The following ERAP1 variants were observed in gnomAD, a reference collection of about 807,000 sequenced individuals.
ERAP1 encodes endoplasmic reticulum aminopeptidase 1.
In ERAP1, 86 loss-of-function variants were observed where a neutral mutation model predicts 103.7. The observed-to-expected ratio is 0.83, with a 90% CI of 0.70 to 0.99. The LOEUF is 0.99. Among genes scored for constraint, ERAP1 ranks in the 50% least tolerant of loss-of-function variants. The pLI, the probability that ERAP1 is intolerant of heterozygous loss-of-function variation, is 0.00. For missense variants in ERAP1, 1,009 were observed against 1,128.4 expected, an observed-to-expected ratio of 0.89 and a Z score of 1.52; for synonymous variants, 398 against 402.4, an observed-to-expected ratio of 0.99 and a Z score of 0.13.
At chr5:96,911,866 C>CAAAA in the ERAP1 span, among the ~76,000 whole-genome samples, 22 of 56,652 alleles carry the variant, frequency 3.9e-4, 1 homozygote, top group East Asian at 0.01. Flanking sequence ...GACCCTGTCT[C>CAAAA]AAAAAAAAAA....
chr5:96,879,930 T>A, the ERAP1 span: 2 of 1,614,174 alleles, frequency 1.2e-6, no homozygotes, highest in Non-Finnish European at 1.7e-6. Flanking sequence ...GACCTCTTTG[T>A]CCACCCCAAT....
At chr5:96,885,661 A>G in the ERAP1 span, among the ~76,000 whole-genome samples, 1 of 152,242 alleles carries the variant, frequency 6.6e-6, no homozygotes, top group Non-Finnish European at 1.5e-5. Context: ...TGCAGTCAGC[A>G]TCATCACAAG....
chr5:96,792,003 C>T lies in ERAP1; in HGVS notation c.1320+58G>A. On this transcript the variant is annotated intron_variant, in intron 8 of 18. Coordinates refer to ENST00000443439, the MANE Select transcript of ERAP1 (RefSeq NM_001040458.3). ...CACAACCTTGCCTATAACTTCTCCA[C>T]CCCAGTATGTATAACTTTAGTATCT... 4 of 1,595,066 alleles carry T rather than the reference C, an allele frequency of 2.5e-6. No homozygotes were observed. The South Asian group carries it at 3.3e-5, about 13-fold the overall frequency.
At chr5:96,794,963 A>G (rs1353535434) in intron 5 of ERAP1, 79 bp downstream of exon 5, 7 of 1,546,168 alleles carry the variant, frequency 4.5e-6, no homozygotes, top group Admixed American at 1.9e-5. Flanking sequence ...AGGCAACTAC[A>G]GGGATGTGCC....
At chr5:96,902,421 G>A in the ERAP1 span, 2 of 943,870 alleles carry the variant, frequency 2.1e-6, no homozygotes, top group African/African-American at 3.2e-5. Context: ...CTATTTGAAG[G>A]AACGATACAA....
chr5:96,766,942 T>G (rs1392204988), intron 19 of ERAP1, among the ~76,000 whole-genome samples: 1 of 152,178 alleles, frequency 6.6e-6, no homozygotes, highest in Non-Finnish European at 1.5e-5. Context: ...GCATTCAGTA[T>G]TCCTCAAGAT....
chr5:96,903,809 TA>T, the ERAP1 span, among the ~76,000 whole-genome samples: 1 of 152,148 alleles, frequency 6.6e-6, no homozygotes, highest in African/African-American at 2.4e-5. Context: ...TGGAATCTCT[TA>T]AAAATGATAT....
the ERAP1 span, among the ~76,000 whole-genome samples, chr5:96,929,860 T>C: frequency 6.6e-6 from 1 of 152,196 alleles, no homozygotes; most frequent in Non-Finnish European, 1.5e-5. Context: ...TTTACTTTCC[T>C]ATATAAGTGC....
the ERAP1 span, chr5:96,917,914 A>G: frequency 6.3e-6 from 1 of 159,836 alleles, no homozygotes; most frequent in South Asian, 1.9e-4. Context: ...TCAAAAAAAA[A>G]AAAAAAAAAA....
chr5:96,820,996 A>G, the ERAP1 span, among the ~76,000 whole-genome samples: 1 of 152,186 alleles, frequency 6.6e-6, no homozygotes, highest in Non-Finnish European at 1.5e-5. Flanking sequence ...AGAAGAAGAG[A>G]GATTGATTCT....
the ERAP1 span, among the ~76,000 whole-genome samples, chr5:96,923,019 A>T: frequency 5.1e-4 from 77 of 151,942 alleles, no homozygotes; most frequent in African/African-American, 1.8e-3. Context: ...TGCTCTGTTG[A>T]CCAAGCTGGA....
chr5:96,876,999 G>C, the ERAP1 span, among the ~76,000 whole-genome samples: 3 of 152,142 alleles, frequency 2.0e-5, no homozygotes, highest in South Asian at 4.2e-4. Context: ...TTTTGAGAGA[G>C]AGCCTCGCTC....
At chr5:96,899,932 T>C in the ERAP1 span, among the ~76,000 whole-genome samples, 2 of 152,206 alleles carry the variant, frequency 1.3e-5, no homozygotes, top group Non-Finnish European at 2.9e-5. Flanking sequence ...CACAAAGAAA[T>C]AACTTTTGTG....
chr5:96,894,754 T>C, the ERAP1 span, among the ~76,000 whole-genome samples: 1 of 152,140 alleles, frequency 6.6e-6, no homozygotes, highest in Non-Finnish European at 1.5e-5. Flanking sequence ...TAATATTATA[T>C]AACAACCTGA....
the ERAP1 span, chr5:96,896,966 T>TAGTCA: frequency 4.5e-6 from 2 of 441,178 alleles, no homozygotes; most frequent in South Asian, 6.0e-5. Context: ...TCAACCATAT[T>TAGTCA]TATTCTGCTT....
the ERAP1 span, chr5:96,889,078 C>A: frequency 7.5e-7 from 1 of 1,335,138 alleles, no homozygotes; most frequent in Non-Finnish European, 1.0e-6. Context: ...TATCTTAATA[C>A]TTTCTTGAAA....
chr5:96,884,219 G>T, the ERAP1 span, among the ~76,000 whole-genome samples: 1 of 152,080 alleles, frequency 6.6e-6, no homozygotes, highest in African/African-American at 2.4e-5. Context: ...TGTGTTTCTT[G>T]GCCAGGGATG....
the ERAP1 span, among the ~76,000 whole-genome samples, chr5:96,840,712 C>CTT: frequency 1.4e-5 from 2 of 140,692 alleles, no homozygotes; most frequent in African/African-American, 5.2e-5. Context: ...TTCTTTTTTT[C>CTT]TTTTTTTTTT....
rs534259638 is a variant in ERAP1, at chr5:96,775,010, C to T, written c.*1386G>A. 63 of 985,380 alleles carry T rather than the reference C, an allele frequency of 6.4e-5. No homozygotes were observed. The South Asian group carries it at 9.4e-4, about 15-fold the overall frequency. The allele number at this position is 985,380 out of a possible 1,614,324, so 61.0% of individuals were successfully genotyped here. On this transcript the variant is annotated 3_prime_UTR_variant, in exon 19 of 19. Transcript: ENST00000443439. ...CTCCTTTGCCAGGTGTGAGGATTTC[C>T]GCACCTTAGAGTCAGCGCAAAACAC...
Sources: allele counts gnomAD v4.1 joint callset (sites outside exome capture counted in the v4.1 genomes callset), GRCh38; gene constraint gnomAD v4.1.1; transcripts MANE v1.5; gene names NCBI Gene and HGNC (gene_info 2026-07-23, HGNC 2026-07-21).